RGS9: variants seen among roughly 807,000 people sequenced by gnomAD.
RGS9 encodes regulator of G protein signaling 9.
A neutral mutation model predicts 102.0 loss-of-function variants in RGS9; 78 were observed. The observed-to-expected ratio is 0.76, with a 90% CI of 0.64 to 0.92. RGS9 has a LOEUF of 0.92. RGS9 is among the 40% of genes least tolerant of loss of function. The pLI is 0.00. For synonymous variants in RGS9, 353 were observed against 318.6 expected (o/e 1.11, Z -1.15); for missense variants, 833 against 866.1 (o/e 0.96, Z 0.48).
At chr17:65,201,387 T>G (rs180670872) in intron 13 of RGS9, among the ~76,000 whole-genome samples, 24 of 152,244 alleles carry the variant, frequency 1.6e-4, no homozygotes, top group Admixed American at 1.4e-3. Flanking sequence ...TTGAACAGCC[T>G]CTCTGTAAGA....
At chr17:65,198,531 C>T (rs1598608546) in intron 13 of RGS9, among the ~76,000 whole-genome samples, 1 of 152,242 alleles carries the variant, frequency 6.6e-6, no homozygotes, top group South Asian at 2.1e-4. Flanking sequence ...GTTGGGATTA[C>T]AGGCGTGAGC....
rs1911516473 is a variant in RGS9, at chr17:65,173,938, CAG to C, written c.583-3793_583-3792del. Among the ~76,000 whole-genome samples the C allele has an allele frequency of 6.6e-6, 1 of 152,234 alleles. No individual in the cohort carries two copies. The highest frequency in any genetic ancestry group is 1.5e-5 in the Non-Finnish European group (1 of 68,044). On this transcript the variant is annotated intron_variant, in intron 8 of 18. Transcript: ENST00000262406. This position sits in a 1 kb window ranked among gnomAD's most constrained non-coding sequence, Gnocchi z 4.8. ...AGGGCAGGGAACTGGAAAAGGACCA[CAG>C]CTTGATTGGGAACAACTGAGACTTA...
At chr17:65,186,342 A>C (rs1430468889) in intron 9 of RGS9, among the ~76,000 whole-genome samples, 2 of 151,604 alleles carry the variant, frequency 1.3e-5, no homozygotes, top group African/African-American at 2.4e-5. Flanking sequence ...CCCCCCACCA[A>C]GTAACTGGGA....
chr17:65,151,805 T>C (rs1190650002), intron 1 of RGS9, among the ~76,000 whole-genome samples: 1 of 152,248 alleles, frequency 6.6e-6, no homozygotes, highest in Non-Finnish European at 1.5e-5. Context: ...TTATTTTCGC[T>C]CTTCCAGGGC....
At chr17:65,139,450 G>T (rs1910072608) in intron 1 of RGS9, among the ~76,000 whole-genome samples, 1 of 151,934 alleles carries the variant, frequency 6.6e-6, no homozygotes, top group Non-Finnish European at 1.5e-5. Flanking sequence ...CATCTTCCTG[G>T]CTTTGCCTCC....
At chr17:65,159,162 T>A (rs1290855230) in intron 3 of RGS9, among the ~76,000 whole-genome samples, 3 of 108,686 alleles carry the variant, frequency 2.8e-5, no homozygotes, top group Admixed American at 1.0e-4. Flanking sequence ...GACCCCCCAC[T>A]CCTGCCCGCC....
intron 1 of RGS9, 122 bp downstream of exon 1, chr17:65,137,719 T>G (rs1210595295): frequency 1.2e-6 from 1 of 816,872 alleles, no homozygotes; most frequent in Non-Finnish European, 2.0e-6. Flanking sequence ...GCTGCTCGAT[T>G]TTATTAAGTG....
intron 6 of RGS9, among the ~76,000 whole-genome samples, chr17:65,162,674 T>C (rs896062795): frequency 6.6e-6 from 1 of 151,662 alleles, no homozygotes; most frequent in African/African-American, 2.4e-5. Context: ...TTTCACCATG[T>C]TAGCCATGAT....
At chr17:65,219,096 G>A (rs1567894969) in intron 17 of RGS9, among the ~76,000 whole-genome samples, 2 of 152,232 alleles carry the variant, frequency 1.3e-5, no homozygotes, top group Non-Finnish European at 2.9e-5. Context: ...ATCAGGACCA[G>A]TGGCCAACCG....
chr17:65,150,265 G>C (rs1482744188), intron 1 of RGS9, among the ~76,000 whole-genome samples: 1 of 152,100 alleles, frequency 6.6e-6, no homozygotes, highest in African/African-American at 2.4e-5. Flanking sequence ...CTTCCACCTA[G>C]AACACCCTCA....
At chr17:65,174,981 AT>A (rs1050472974) in intron 8 of RGS9, among the ~76,000 whole-genome samples, 20 of 152,274 alleles carry the variant, frequency 1.3e-4, no homozygotes, top group African/African-American at 4.3e-4. Context: ...CACCCCCATA[AT>A]CCAGTCACCT....
chr17:65,176,820 T>C (rs1261250134), intron 8 of RGS9, among the ~76,000 whole-genome samples: 1 of 150,740 alleles, frequency 6.6e-6, no homozygotes, highest in Non-Finnish European at 1.5e-5. Context: ...AATTTACCCA[T>C]TCATCCATGC....
intron 15 of RGS9, among the ~76,000 whole-genome samples, chr17:65,204,604 A>G (rs1309848992): frequency 6.6e-6 from 1 of 152,026 alleles, no homozygotes; most frequent in African/African-American, 2.4e-5. Context: ...CGTCTCTTCC[A>G]CCTGTCCACT....
chr17:65,188,665 T>C (rs1053199775), intron 9 of RGS9: 2 of 155,090 alleles, frequency 1.3e-5, no homozygotes, highest in Non-Finnish European at 2.9e-5. Flanking sequence ...CAGGCTAGAA[T>C]GCAGTGGCAT....
chr17:65,193,812 G>A (rs1912474709), intron 12 of RGS9, among the ~76,000 whole-genome samples, 156 bp downstream of exon 12: 1 of 152,130 alleles, frequency 6.6e-6, no homozygotes, highest in African/African-American at 2.4e-5. Context: ...ACACAAAAAA[G>A]AAACCCTGGA....
chr17:65,222,859 G>T (rs544471909), intron 17 of RGS9, among the ~76,000 whole-genome samples: 2 of 152,158 alleles, frequency 1.3e-5, no homozygotes, highest in Non-Finnish European at 2.9e-5. Context: ...CTGTGGTGGG[G>T]CCAGGTTCTG....
At chr17:65,183,045 C>T (rs932558167) in intron 9 of RGS9, among the ~76,000 whole-genome samples, 6 of 108,376 alleles carry the variant, frequency 5.5e-5, no homozygotes, top group Admixed American at 3.2e-4. Context: ...ACAGCTGCAC[C>T]CCCTTAATTT....
intron 17 of RGS9, among the ~76,000 whole-genome samples, chr17:65,218,226 A>G (rs1913582791): frequency 6.6e-6 from 1 of 152,254 alleles, no homozygotes; most frequent in Admixed American, 6.5e-5. Flanking sequence ...TGGAATTCCC[A>G]GCAACTTTGT....
intron 8 of RGS9, among the ~76,000 whole-genome samples, chr17:65,174,568 AGTGT>A: frequency 6.6e-6 from 1 of 151,612 alleles, no homozygotes; most frequent in South Asian, 2.1e-4. Context: ...CATGTATGTG[AGTGT>A]GAGTGTGCAT....
Sources: gnomAD v4.1 joint callset for allele counts (sites outside exome capture counted in the v4.1 genomes callset) on GRCh38, gnomAD v4.1.1 for gene constraint, Gnocchi (gnomAD v3.1) non-coding constraint, MANE v1.5 for transcripts, NCBI Gene and HGNC (gene_info 2026-07-23, HGNC 2026-07-21) for gene names.